Variants in ASXL3 observed in about 807,000 individuals in gnomAD.
ASXL3 encodes putative Polycomb group protein ASXL3.
ASXL3 carries 34 observed loss-of-function variants against 170.6 expected under a neutral mutation model. The observed-to-expected ratio is 0.20, with a 90% CI of 0.15 to 0.27. The LOEUF is 0.27. ASXL3 is among the 10% of genes least tolerant of loss of function. The pLI is 1.00. For missense variants in ASXL3, 2,592 were observed against 2,695.3 expected (o/e 0.96, Z 0.85); for synonymous variants, 1,002 against 989.1 (o/e 1.01, Z -0.24).
At chr18:33,617,295 CAGCCTGG>C (rs1366087202) in intron 2 of ASXL3, among the ~76,000 whole-genome samples, 3 of 151,980 alleles carry the variant, frequency 2.0e-5, no homozygotes, top group Non-Finnish European at 4.4e-5. Context: ...CCTTCAAGAC[CAGCCTGG>C]CCAACACGGT....
intron 1 of ASXL3, among the ~76,000 whole-genome samples, chr18:33,584,264 G>C (rs542239148): frequency 6.6e-6 from 1 of 151,892 alleles, no homozygotes; most frequent in Non-Finnish European, 1.5e-5. Flanking sequence ...AGAAGACTTG[G>C]GGGGGCATAG....
rs148076828 is a variant in ASXL3 at position 33,664,689 on chromosome 18, G to A, written c.477+2952G>A. ...CATAATTTCTCAAGTCTGAAGGCCTGTACTTTCTACCCCTGCCTAAAGCAT... is the reference window on the plus strand; with the variant it reads ...CATAATTTCTCAAGTCTGAAGGCCTATACTTTCTACCCCTGCCTAAAGCAT... On this transcript the variant is annotated intron_variant, in intron 5 of 11. Transcript: ENST00000269197. Among the ~76,000 whole-genome samples the A allele has an allele frequency of 2.6e-3, 403 of 152,280 alleles. 6 individuals are homozygous for A. The highest frequency in any genetic ancestry group is 9.0e-3 in the African/African-American group (375 of 41,568).
rs552656555 is a variant in ASXL3, at chr18:33,720,572, C to A, written c.880-11396C>A. ...ATACACATTCTCATATTTGCTACAA[C>A]TTGTTCCAATTTTGAAAACATCGCT... On this transcript the variant is annotated intron_variant, in intron 8 of 11. Coordinates refer to ENST00000269197, the MANE Select transcript of ASXL3 (RefSeq NM_030632.3). Among the ~76,000 whole-genome samples, 83 of 152,150 alleles carry A rather than the reference C, an allele frequency of 5.5e-4. 1 individual carries two copies. The South Asian group carries it at 0.017, about 31-fold the overall frequency.
In ASXL3 at chr18:33,744,233, C is replaced by T; in HGVS notation, c.4385C>T (p.Pro1462Leu). The T allele has an allele frequency of 2.5e-6, 4 of 1,613,936 alleles. No individual in the cohort carries two copies. The highest frequency in any genetic ancestry group is 3.4e-6 in the Non-Finnish European group (4 of 1,179,898). Reference sequence around the variant, plus strand: ...CAGCAACCACCAGGGGGCTTTGCACCAGCAGCCATAAACCGATCAATTCCG... The same window carrying T: ...CAGCAACCACCAGGGGGCTTTGCACTAGCAGCCATAAACCGATCAATTCCG... ...KPQQPPGGFA[P>L]AAINRSIPCK... is the part of the protein sequence containing the mutation. The change falls in exon 12 of 12, where the codon CCA becomes CTA. Residue 1462 changes from proline (P) to leucine (L), a missense_variant. By Grantham distance (98) the Pro-to-Leu change is moderately conservative (BLOSUM62 -3). Around this residue, in one of 4 missense-constraint regions of ASXL3, gnomAD observed 2,246 missense variants for 2,219.6 expected, o/e 1.01. Transcript: ENST00000269197.
At chr18:33,646,485 T>A (rs2065916478) in intron 4 of ASXL3, 132 bp downstream of exon 4, 2 of 599,496 alleles carry the variant, frequency 3.3e-6, no homozygotes, top group African/African-American at 3.8e-5. Flanking sequence ...CTGAGATTTA[T>A]CATCAAGGTG....
At chr18:33,629,545 G>A (rs779147474) in intron 2 of ASXL3, among the ~76,000 whole-genome samples, 2 of 151,940 alleles carry the variant, frequency 1.3e-5, no homozygotes, top group Non-Finnish European at 2.9e-5. Context: ...ATTAAATAGG[G>A]GCCCAGGTTT....
At chr18:33,584,646 A>G (rs1181980525) in intron 1 of ASXL3, among the ~76,000 whole-genome samples, 1 of 152,178 alleles carries the variant, frequency 6.6e-6, no homozygotes, top group African/African-American at 2.4e-5. Flanking sequence ...TCAGTAAATT[A>G]TATACATTAC....
At chr18:33,737,120 T>G (rs2067561897) in intron 10 of ASXL3, among the ~76,000 whole-genome samples, 1 of 152,300 alleles carries the variant, frequency 6.6e-6, no homozygotes, top group Admixed American at 6.5e-5. Context: ...TTATAAATTG[T>G]AGCTTAGTTT....
chr18:33,597,769 T>C (rs1045065940), intron 1 of ASXL3, among the ~76,000 whole-genome samples: 1 of 149,148 alleles, frequency 6.7e-6, no homozygotes, highest in African/African-American at 2.5e-5. Context: ...AATTAATGTA[T>C]TGGTGTCTCA....
chr18:33,720,748 G>A (rs1221023086), intron 8 of ASXL3, among the ~76,000 whole-genome samples: 3 of 152,006 alleles, frequency 2.0e-5, no homozygotes, highest in Non-Finnish European at 2.9e-5. Flanking sequence ...CTTTATTTTT[G>A]CCTTTAGATG....
At chr18:33,702,669 G>A (rs2066893653) in intron 8 of ASXL3, among the ~76,000 whole-genome samples, 1 of 152,012 alleles carries the variant, frequency 6.6e-6, no homozygotes, top group Admixed American at 6.6e-5. Flanking sequence ...TTGGTTTGGG[G>A]AATGGGATAA....
chr18:33,582,862 G>A (rs2065005377), intron 1 of ASXL3, among the ~76,000 whole-genome samples: 1 of 152,018 alleles, frequency 6.6e-6, no homozygotes, highest in Admixed American at 6.6e-5. Context: ...AAGGTTTTAA[G>A]TAAATTAAAA....
rs116608136 is a variant in ASXL3 at position 33,643,576 on chromosome 18, A to G, written c.138-1318A>G. ...CTAAAATAATTGTCTTTGTAGGATG[A>G]TAATACTTATAAATCCTTATGACCA... On this transcript the variant is annotated intron_variant, in intron 2 of 11. Coordinates refer to ENST00000269197, the MANE Select transcript of ASXL3 (RefSeq NM_030632.3). Among the ~76,000 whole-genome samples the G allele has an allele frequency of 3.6e-3, 544 of 152,024 alleles. 3 individuals are homozygous for G. Among genetic ancestry groups the G allele is most frequent in the African/African-American group, 0.012 (512 of 41,554 alleles).
At chr18:33,624,618 G>A (rs2065572172) in intron 2 of ASXL3, among the ~76,000 whole-genome samples, 1 of 152,002 alleles carries the variant, frequency 6.6e-6, no homozygotes, top group Admixed American at 6.6e-5. Flanking sequence ...TTATCTGATG[G>A]GTATGTTTTT....
chr18:33,746,348 C>T lies in ASXL3; in HGVS notation c.6500C>T (p.Ala2167Val), dbSNP rs776712133. 2.5e-6 allele frequency: 4 copies of T among 1,613,838 alleles called. No homozygotes were observed. Among genetic ancestry groups the T allele is most frequent in the African/African-American group, 2.7e-5 (2 of 74,928 alleles). Reference sequence around the variant, plus strand: ...TTTGGTAGCACGAGTTTCAAAAGGGCAGCATCTGCAATTGAAAAGTCCATT... The same window carrying T: ...TTTGGTAGCACGAGTTTCAAAAGGGTAGCATCTGCAATTGAAAAGTCCATT... The part of the protein sequence containing the change: ...IHFGSTSFKR[A>V]ASAIEKSIGI... The change falls in exon 12 of 12, where the codon GCA (alanine) becomes GTA (valine). Residue 2167 changes from alanine (A) to valine (V), a missense_variant. Transcript: ENST00000269197.
At chr18:33,640,965 CAT>C (rs1349777002) in intron 2 of ASXL3, among the ~76,000 whole-genome samples, 2 of 151,584 alleles carry the variant, frequency 1.3e-5, no homozygotes, top group Non-Finnish European at 2.9e-5. Flanking sequence ...TTTATTAAGA[CAT>C]AACAATATAA....
At chr18:33,593,476 G>T (rs1018502388) in intron 1 of ASXL3, among the ~76,000 whole-genome samples, 1 of 151,756 alleles carries the variant, frequency 6.6e-6, no homozygotes, top group Non-Finnish European at 1.5e-5. Flanking sequence ...TCCCCATTGA[G>T]CCCAACCCCT....
rs1283987265 is a variant in ASXL3 at position 33,748,395 on chromosome 18, TAGTG to T, written c.*1803_*1806del. ...ATCATTTCGAATAACAAATTGCTGA[TAGTG>T]AGAGGTACTTTACTTTATCTTAGAA... is the stretch of plus-strand genomic sequence containing the variant. On this transcript the variant is annotated 3_prime_UTR_variant, in exon 12 of 12. Transcript: ENST00000269197. 1 of 152,186 alleles carries T rather than the reference TAGTG, an allele frequency of 6.6e-6. No individual in the cohort carries two copies. Among genetic ancestry groups the T allele is most frequent in the Non-Finnish European group, 1.5e-5 (1 of 68,026 alleles). 9.4% of individuals were successfully genotyped at this position (152,186 alleles called of 1,614,324 possible). A position where few individuals can be genotyped will look rare whatever the true frequency, so the allele number is the denominator to read the frequency against.
chr18:33,578,751 C>G (rs1486434002), intron 1 of ASXL3, 66 bp downstream of exon 1: 43 of 1,038,112 alleles, frequency 4.1e-5, no homozygotes, highest in Admixed American at 5.1e-5. Flanking sequence ...CCGCGCCGGT[C>G]CGCGGCGGCG....
Sources: gnomAD v4.1 joint callset for allele counts (sites outside exome capture counted in the v4.1 genomes callset) on GRCh38, gnomAD v4.1.1 for gene constraint, gnomAD v4.1.1 regional missense constraint, MANE v1.5 for transcripts, NCBI Gene and HGNC (gene_info 2026-07-23, HGNC 2026-07-21) for gene names.